GPR50: variants seen among roughly 807,000 people sequenced by gnomAD.
GPR50 encodes the protein G protein-coupled receptor 50, also known as melatonin-related receptor.
GPR50 carries 1 observed loss-of-function variant against 2.6 expected under a neutral mutation model. The ratio of observed to expected loss-of-function variants is 0.38; its 90% CI spans 0.13 to 1.79. The LOEUF is 1.79. Among genes scored for constraint, GPR50 ranks in the 40% most tolerant of loss-of-function variants. The probability of loss-of-function intolerance (pLI) is 0.33; values close to 1 mark genes in which losing one functional copy is unlikely to be tolerated. For missense variants in GPR50, 535 were observed against 522.1 expected (o/e 1.02, Z -0.24); for synonymous variants, 233 against 202.3 (o/e 1.15, Z -1.29).
At chrX:151,181,510 T>C, downstream of GPR50, 3 of 699,309 alleles carry the variant, frequency 4.3e-6, no homozygotes, top group South Asian at 7.5e-5. Flanking sequence ...CAAAGTGAGA[T>C]GCCTTACTGC....
chrX:151,177,856 A>G, intron 1 of GPR50: 1 of 111,157 alleles, frequency 9.0e-6, no homozygotes, highest in Non-Finnish European at 1.9e-5. Flanking sequence ...GCCACTGCCG[A>G]GCGGGAGGAG....
downstream of GPR50, among the ~76,000 whole-genome samples, chrX:151,182,196 T>A (rs1192604347): frequency 8.9e-6 from 1 of 112,125 alleles, no homozygotes; most frequent in African/African-American, 3.2e-5. Flanking sequence ...ATAAGACGTT[T>A]TTACCTTATT....
rs747834622 is a variant in GPR50, at chrX:151,180,888, C to A, written c.1305C>A (p.Ala435=). The part of the protein sequence containing the change: ...SKPASGHPKS[A]TVYPKPASVH... ...CTGCCTCTGGTCACCCCAAGTCTGC[C>A]ACTGTCTACCCTAAGCCTGCCTCTG... Residue 435 remains alanine (A), a synonymous_variant, in exon 2 of 2, where the codon GCC becomes GCA. Coordinates refer to ENST00000218316, the MANE Select transcript of GPR50 (RefSeq NM_004224.3). The A allele has an allele frequency of 8.4e-5, 102 of 1,209,051 alleles. No homozygotes were observed. Among genetic ancestry groups the A allele is most frequent in the Middle Eastern group, 4.6e-4 (2 of 4,372 alleles).
rs1027259864 is a variant in GPR50, at chrX:151,180,228, G to T, written c.645G>T (p.Val215=). The T allele has an allele frequency of 8.3e-7, 1 of 1,205,931 alleles. No individual in the cohort carries two copies. Among genetic ancestry groups the T allele is most frequent in the Non-Finnish European group, 1.1e-6 (1 of 894,999 alleles). The change falls in exon 2 of 2, where the codon GTG becomes GTT. Residue 215 remains valine (V), a synonymous_variant. Coordinates refer to ENST00000218316, the MANE Select transcript of GPR50 (RefSeq NM_004224.3). ...GFCYVRIWTK[V]LAARDPAGQN... is the part of the protein sequence containing the mutation. ...GCTACGTGAGGATCTGGACCAAAGT[G>T]CTGGCGGCCCGTGACCCTGCAGGGC...
At position 151,179,895 on chromosome X, in the gene GPR50, C is replaced by T. The variant is rs748715543; in HGVS notation, c.312C>T (p.Val104=). 12 of 1,211,031 alleles carry T rather than the reference C, an allele frequency of 9.9e-6. No individual in the cohort carries two copies. The highest frequency in any genetic ancestry group is 1.3e-5 in the Non-Finnish European group (12 of 895,053). The change falls in exon 2 of 2, where the codon GTC becomes GTT. Residue 104 remains valine, a synonymous_variant. Transcript: ENST00000218316. ...WDLSQLQCQM[V]GFITGLSVVG... is the part of the protein sequence containing the mutation. ...TGAGCCAGTTACAGTGCCAGATGGT[C>T]GGGTTCATCACAGGGCTGAGTGTGG...
At position 151,180,192 on chromosome X, in the gene GPR50, C is replaced by G; in HGVS notation, c.609C>G (p.Ile203Met). ...TCCACTTCGTCCTCCCTCTCCTCATCGTGGGTTTCTGCTACGTGAGGATCT... is the reference window on the plus strand; with the variant it reads ...TCCACTTCGTCCTCCCTCTCCTCATGGTGGGTTTCTGCTACGTGAGGATCT... ...VCIHFVLPLL[I>M]VGFCYVRIWT... The change falls in exon 2 of 2, where the codon ATC becomes ATG. Residue 203 changes from isoleucine to methionine, a missense_variant. Ile to Met is a conservative substitution (Grantham distance 10, BLOSUM62 1). Coordinates refer to ENST00000218316, the MANE Select transcript of GPR50 (RefSeq NM_004224.3). 3 of 1,205,892 alleles carry G rather than the reference C, an allele frequency of 2.5e-6. No individual in the cohort carries two copies. Among genetic ancestry groups the G allele is most frequent in the Non-Finnish European group, 2.2e-6 (2 of 895,058 alleles).
At chrX:151,178,071 G>A (rs962868561) in intron 1 of GPR50, among the ~76,000 whole-genome samples, 2 of 110,257 alleles carry the variant, frequency 1.8e-5, no homozygotes, top group African/African-American at 6.7e-5. Context: ...AGGGAGGGGC[G>A]GCGCCTGGAA....
In GPR50 at chrX:151,180,987, G is replaced by A; in HGVS notation, c.1404G>A (p.Lys468=). Residue 468 remains lysine (K), a synonymous_variant, in exon 2 of 2, where the codon AAG becomes AAA. Coordinates refer to ENST00000218316, the MANE Select transcript of GPR50 (RefSeq NM_004224.3). The part of the protein sequence containing the change: ...VHFKPDSVHF[K]PASSNPKPIT... ...TCAAGCCTGACTCTGTTCATTTCAAGCCTGCTTCCAGCAACCCCAAGCCCA... is the reference window on the plus strand; with the variant it reads ...TCAAGCCTGACTCTGTTCATTTCAAACCTGCTTCCAGCAACCCCAAGCCCA... 8.3e-7 allele frequency: 1 copy of A among 1,211,047 alleles called. No individual in the cohort carries two copies. Among genetic ancestry groups the A allele is most frequent in the South Asian group, 1.8e-5 (1 of 56,932 alleles).
chrX:151,179,951 C>T lies in GPR50; in HGVS notation c.368C>T (p.Ala123Val), dbSNP rs767729782. ...VGSIFNIVAI[A>V]INRYCYICHS... is the part of the protein sequence containing the mutation. Reference sequence around the variant, plus strand: ...TCCATCTTCAACATCGTGGCAATCGCTATCAACCGTTACTGCTACATCTGC... The same window carrying T: ...TCCATCTTCAACATCGTGGCAATCGTTATCAACCGTTACTGCTACATCTGC... Residue 123 changes from alanine to valine, a missense_variant, in exon 2 of 2, where the codon GCT becomes GTT. By Grantham distance (64) the Ala-to-Val change is moderately conservative. Coordinates refer to ENST00000218316, the MANE Select transcript of GPR50 (RefSeq NM_004224.3). 1.7e-6 allele frequency: 2 copies of T among 1,211,294 alleles called. No homozygotes were observed. Among genetic ancestry groups the T allele is most frequent in the Non-Finnish European group, 2.2e-6 (2 of 895,283 alleles).
chrX:151,180,078 CA>C lies in GPR50; in HGVS notation c.496del (p.Ile166LeufsTer18). 1 of 1,211,021 alleles carries C rather than the reference CA, an allele frequency of 8.3e-7. No individual in the cohort carries two copies. On this transcript the variant is annotated frameshift_variant, in exon 2 of 2. Coordinates refer to ENST00000218316, the MANE Select transcript of GPR50 (RefSeq NM_004224.3). LOFTEE classifies it low-confidence loss of function (END_TRUNC). Reference protein sequence around the residue: ...TVLAVLPNMYIGTIEYDPRTY... With the variant: ...TVLAVLPNMYXGTIEYDPRTY... ...TCCTGGCTGTCCTGCCCAACATGTA[CA>C]TTGGCACCATCGAGTACGATCCTCG...
In GPR50 at chrX:151,176,956, C is replaced by T. The variant is rs751702250; in HGVS notation, c.187+48C>T. On this transcript the variant is annotated intron_variant, in intron 1 of 1. Coordinates refer to ENST00000218316, the MANE Select transcript of GPR50 (RefSeq NM_004224.3). ...TACCCAGTGTGCAGAGACTTGCAAC[C>T]CCTAGGGCGTTAGTTTTTGAGCTCC... 1.1e-5 allele frequency: 10 copies of T among 920,624 alleles called. No homozygotes were observed. In the South Asian group the frequency reaches 2.0e-4, roughly 19 times the overall value. The allele number at this position is 920,624 out of a possible 1,213,427, so 75.9% of individuals were successfully genotyped here.
rs867872295 is a variant in GPR50 at position 151,180,724 on chromosome X, C to T, written c.1141C>T (p.Arg381Cys). ...PGDAAAGHPD[R>C]ASGHPKPHSR... ...TGATGCTGCAGCTGGCCACCCCGAC[C>T]GTGCCTCTGGCCACCCTAAGCCCCA... is the stretch of plus-strand genomic sequence containing the variant. Residue 381 changes from arginine to cysteine, a missense_variant, in exon 2 of 2, where the codon CGT becomes TGT. Coordinates refer to ENST00000218316, the MANE Select transcript of GPR50 (RefSeq NM_004224.3). 1.4e-5 allele frequency: 17 copies of T among 1,208,657 alleles called. No homozygotes were observed. The highest frequency in any genetic ancestry group is 7.0e-5 in the African/African-American group (4 of 56,865).
intron 1 of GPR50, 112 bp from the exon 2 acceptor site, chrX:151,179,659 G>C (rs2048699859): frequency 2.0e-6 from 1 of 493,139 alleles, no homozygotes; most frequent in Non-Finnish European, 3.4e-6. Flanking sequence ...AATTATAAAA[G>C]GTCATAATCC....
chrX:151,179,802 C>T lies in GPR50; in HGVS notation c.219C>T (p.Ala73=), dbSNP rs1341627444. 5.9e-6 allele frequency: 7 copies of T among 1,187,037 alleles called. No homozygotes were observed. Among genetic ancestry groups the T allele is most frequent in the South Asian group, 1.9e-5 (1 of 53,732 alleles). Residue 73 remains alanine (A), a synonymous_variant, in exon 2 of 2, where the codon GCC becomes GCT. Transcript: ENST00000218316. The stretch of plus-strand genomic sequence containing the variant: ...TCTTCGTGGTCAGTCTCTCTGTGGC[C>T]GATATGCTGGTGGCCATCTACCCAT... ...GNIFVVSLSV[A]DMLVAIYPYP... is the part of the protein sequence containing the mutation.
Position 151,181,095 on chromosome X carries a change from C to T in GPR50, c.1512C>T (p.Gly504=). Residue 504 remains glycine, a synonymous_variant, in exon 2 of 2, where the codon GGC becomes GGT. Transcript: ENST00000218316. ...AATSHPKPTT[G]HIKPATSHAE... ...CCAGCCACCCTAAACCCACCACTGG[C>T]CACATCAAGCCAGCTACCAGCCATG... 1 of 500,450 alleles carries T rather than the reference C, an allele frequency of 2.0e-6. No individual in the cohort carries two copies. Among genetic ancestry groups the T allele is most frequent in the South Asian group, 3.3e-5 (1 of 30,749 alleles). The allele number at this position is 500,450 out of a possible 1,213,427, so 41.2% of individuals were successfully genotyped here.
In GPR50 at chrX:151,176,845, G is replaced by T; in HGVS notation, c.124G>T (p.Asp42Tyr). 8.3e-7 allele frequency: 1 copy of T among 1,206,327 alleles called. No homozygotes were observed. Among genetic ancestry groups the T allele is most frequent in the Non-Finnish European group, 1.1e-6 (1 of 891,336 alleles). ...FCAMVITIVV[D>Y]LIGNSMVILA... ...CGCGATGGTTATCACCATCGTTGTA[G>T]ACCTAATCGGCAACTCCATGGTCAT... The change falls in exon 1 of 2, where the codon GAC becomes TAC. Residue 42 changes from aspartate to tyrosine, a missense_variant. Coordinates refer to ENST00000218316, the MANE Select transcript of GPR50 (RefSeq NM_004224.3).
intron 1 of GPR50, among the ~76,000 whole-genome samples, chrX:151,178,347 G>A (rs1023463554): frequency 3.5e-5 from 4 of 112,854 alleles, no homozygotes; most frequent in Non-Finnish European, 7.5e-5. Flanking sequence ...GAATCGTGGG[G>A]CCATACACTA....
chrX:151,181,528 C>A, downstream of GPR50: 1 of 589,100 alleles, frequency 1.7e-6, no homozygotes, highest in Non-Finnish European at 2.7e-6. Context: ...TGCATCTAGA[C>A]ACAGACACTG....
rs1227054899 is a variant in GPR50 at position 151,179,716 on chromosome X, A to G, written c.188-55A>G. The stretch of plus-strand genomic sequence containing the variant: ...TAAATGTGTAGATTTCTGTACTTAA[A>G]CCACTTATTCTTCTCTGTCTTTCCC... On this transcript the variant is annotated intron_variant, in intron 1 of 1. Transcript: ENST00000218316. 1.2e-5 allele frequency: 10 copies of G among 846,297 alleles called. No individual in the cohort carries two copies. The African/African-American group carries it at 2.1e-4, about 18-fold the overall frequency. The allele number at this position is 846,297 out of a possible 1,213,427, so 69.7% of individuals were successfully genotyped here. A position where few individuals can be genotyped will look rare whatever the true frequency, so the allele number is the denominator to read the frequency against.
Sources: allele counts gnomAD v4.1 joint callset (sites outside exome capture counted in the v4.1 genomes callset), GRCh38; gene constraint gnomAD v4.1.1; transcripts MANE v1.5; gene names NCBI Gene and HGNC (gene_info 2026-07-23, HGNC 2026-07-21).